The following PSMA5 variants were observed in gnomAD, a reference collection of about 807,000 sequenced individuals.
PSMA5 encodes proteasome 20S subunit alpha 5.
PSMA5 carries 3 observed loss-of-function variants against 34.5 expected under a neutral mutation model. The observed-to-expected ratio is 0.09, with a 90% CI of 0.04 to 0.22. The LOEUF is 0.22. Ranked by LOEUF, PSMA5 falls within the 10% of genes least tolerant of loss-of-function variation. PSMA5 has a pLI of 1.00. For synonymous variants in PSMA5, 88 were observed against 95.8 expected, an observed-to-expected ratio of 0.92 and a Z score of 0.47; for missense variants, 120 against 286.1, an observed-to-expected ratio of 0.42 and a Z score of 4.19.
At chr1:109,405,449 T>TG (rs1210879613) in intron 8 of PSMA5, among the ~76,000 whole-genome samples, 2 of 137,456 alleles carry the variant, frequency 1.5e-5, no homozygotes, top group Non-Finnish European at 3.0e-5. Flanking sequence ...CAGAAAAGGT[T>TG]TTTTTTTTTT....
At chr1:109,408,366 C>T (rs1228667679) in intron 8 of PSMA5, among the ~76,000 whole-genome samples, 2 of 152,190 alleles carry the variant, frequency 1.3e-5, no homozygotes, top group Non-Finnish European at 2.9e-5. Flanking sequence ...CTTTTCCAGA[C>T]ATCACCTCTT....
In PSMA5 at chr1:109,402,017, A is replaced by C. The variant is rs746172507; in HGVS notation, c.722T>G (p.Ile241Ser). 6.2e-7 allele frequency: 1 copy of C among 1,606,796 alleles called. No individual in the cohort carries two copies. The highest frequency in any genetic ancestry group is 8.5e-7 in the Non-Finnish European group (1 of 1,174,296). Residue 241 changes from isoleucine to serine, a missense_variant, in exon 9 of 9, where the codon ATT (isoleucine) becomes AGT (serine). Coordinates refer to ENST00000271308, the MANE Select transcript of PSMA5 (RefSeq NM_002790.4). ...AGTTCTGAGGATCAGGATTCCTTAA[A>C]TGTCCTTGATAACCTCTTCAAGTTC... ...KEELEEVIKD[I>S]
intron 3 of PSMA5, among the ~76,000 whole-genome samples, chr1:109,414,359 G>A (rs768502123): frequency 3.3e-5 from 5 of 152,164 alleles, no homozygotes; most frequent in Admixed American, 6.5e-5. Flanking sequence ...TTCTTCCCTT[G>A]TACTCCTACT....
chr1:109,406,186 A>C (rs973505190), intron 8 of PSMA5, among the ~76,000 whole-genome samples: 1 of 152,262 alleles, frequency 6.6e-6, no homozygotes, highest in African/African-American at 2.4e-5. Context: ...AAATCTGACA[A>C]ATAAGAGTTA....
chr1:109,409,782 T>C, intron 8 of PSMA5, 146 bp downstream of exon 8: 1 of 588,258 alleles, frequency 1.7e-6, no homozygotes, highest in Non-Finnish European at 3.0e-6. Flanking sequence ...AGGCATGGTG[T>C]GTGCACCTGT....
chr1:109,425,414 TG>T (rs1282583071), intron 1 of PSMA5: 1 of 152,104 alleles, frequency 6.6e-6, no homozygotes, highest in Non-Finnish European at 1.5e-5. Flanking sequence ...TATAGGACAG[TG>T]GGGAAATATG....
At chr1:109,403,327 TA>T (rs1653610659) in intron 8 of PSMA5, among the ~76,000 whole-genome samples, 1 of 152,066 alleles carries the variant, frequency 6.6e-6, no homozygotes, top group African/African-American at 2.4e-5. Flanking sequence ...CTTCAATTTT[TA>T]AAATTAAACA....
chr1:109,412,197 C>CA lies in PSMA5; in HGVS notation c.292-14dup. ...TGAACCAGTGGTTCTAGAAGAAGAGCAAAGCATGGTACAACCTTCTAATAA... is the reference window on the plus strand; with the variant it reads ...TGAACCAGTGGTTCTAGAAGAAGAGCAAAAGCATGGTACAACCTTCTAATAA... On this transcript the variant is annotated splice_polypyrimidine_tract_variant and intron_variant, in intron 4 of 8. Coordinates refer to ENST00000271308, the MANE Select transcript of PSMA5 (RefSeq NM_002790.4). 6.3e-7 allele frequency: 1 copy of CA among 1,599,012 alleles called. No individual in the cohort carries two copies. Among genetic ancestry groups the CA allele is most frequent in the Non-Finnish European group, 8.6e-7 (1 of 1,166,270 alleles).
chr1:109,407,408 CCTT>C (rs1353807684), intron 8 of PSMA5, among the ~76,000 whole-genome samples: 2 of 152,176 alleles, frequency 1.3e-5, no homozygotes, highest in African/African-American at 4.8e-5. Flanking sequence ...AAATGTCAGT[CCTT>C]CTTAGACTGA....
rs919609115 is a variant in PSMA5, at chr1:109,400,850, A to T, written c.*1163T>A. 2 of 152,190 alleles carry T rather than the reference A, an allele frequency of 1.3e-5. No individual in the cohort carries two copies. The highest frequency in any genetic ancestry group is 4.8e-5 in the African/African-American group (2 of 41,448). The allele number at this position is 152,190 out of a possible 1,614,324, so 9.4% of individuals were successfully genotyped here. On this transcript the variant is annotated 3_prime_UTR_variant, in exon 9 of 9. Transcript: ENST00000271308. ...TTATGGGGTCCCTGTTAGTGAATTA[A>T]ATCAATTCTGCATCATCCACATATG...
At chr1:109,416,684 G>A (rs1034902315) in intron 2 of PSMA5, among the ~76,000 whole-genome samples, 1 of 152,214 alleles carries the variant, frequency 6.6e-6, no homozygotes, top group African/African-American at 2.4e-5. Context: ...TTTTTCAAAT[G>A]TGTTGAGTTG....
chr1:109,412,804 AATGC>A lies in PSMA5; in HGVS notation c.291+260_291+263del, dbSNP rs2100963673. 9.0e-6 allele frequency: 3 copies of A among 334,084 alleles called. No individual in the cohort carries two copies. The South Asian group carries it at 2.1e-4, about 23-fold the overall frequency. The allele number at this position is 334,084 out of a possible 1,614,324, so 20.7% of individuals were successfully genotyped here. A position where few individuals can be genotyped will look rare whatever the true frequency, so the allele number is the denominator to read the frequency against. ...TCCCACACAAAGTCAATTAGGAAAC[AATGC>A]ATGCTTTATATATAGGCAAAGCCAA... is the stretch of plus-strand genomic sequence containing the variant. On this transcript the variant is annotated intron_variant, in intron 4 of 8. Transcript: ENST00000271308.
intron 8 of PSMA5, among the ~76,000 whole-genome samples, chr1:109,409,309 G>C (rs984657253): frequency 6.6e-6 from 1 of 152,070 alleles, no homozygotes; most frequent in Non-Finnish European, 1.5e-5. Context: ...GGTGCGTGCC[G>C]CCACACCTGG....
intron 1 of PSMA5, among the ~76,000 whole-genome samples, chr1:109,423,214 G>A (rs1278294793): frequency 1.3e-5 from 2 of 152,230 alleles, no homozygotes; most frequent in Admixed American, 6.5e-5. Flanking sequence ...TGAGGCAGGC[G>A]GATCACCTGA....
intron 2 of PSMA5, 38 bp downstream of exon 2, chr1:109,421,822 C>A: frequency 6.8e-7 from 1 of 1,478,866 alleles, no homozygotes; most frequent in South Asian, 1.3e-5. Flanking sequence ...TGTTAGGTAG[C>A]CATGAAATTT....
chr1:109,419,938 A>T (rs1654373452), intron 2 of PSMA5, among the ~76,000 whole-genome samples: 1 of 150,328 alleles, frequency 6.7e-6, no homozygotes, highest in South Asian at 2.1e-4. Context: ...GCGCCACTGC[A>T]TTCTAGCCTG....
At chr1:109,420,884 A>G (rs60149452) in intron 2 of PSMA5, among the ~76,000 whole-genome samples, 1,642 of 152,140 alleles carry the variant, frequency 0.011, 33 homozygotes, top group African/African-American at 0.038. Context: ...CACAACAAAG[A>G]ATTATCCAGT....
Position 109,401,864 on chromosome 1 carries a change from C to A in PSMA5, c.*149G>T, listed in dbSNP as rs1653544142. On this transcript the variant is annotated 3_prime_UTR_variant, in exon 9 of 9. Transcript: ENST00000271308. ...CTATTAACAAATATTTTAAAATTTT[C>A]TTTATTTCAGAACTGCCTTTATGTA... 314 of 376,506 alleles carry A rather than the reference C, an allele frequency of 8.3e-4. No individual in the cohort carries two copies. Among genetic ancestry groups the A allele is most frequent in the East Asian group, 1.7e-3 (32 of 19,072 alleles). The allele number at this position is 376,506 out of a possible 1,614,324, so 23.3% of individuals were successfully genotyped here. A position where few individuals can be genotyped will look rare whatever the true frequency, so the allele number is the denominator to read the frequency against.
At chr1:109,417,971 CACA>C (rs1480195679) in intron 2 of PSMA5, among the ~76,000 whole-genome samples, 1 of 152,102 alleles carries the variant, frequency 6.6e-6, no homozygotes, top group Non-Finnish European at 1.5e-5. Flanking sequence ...TGCCTATAAT[CACA>C]ACACTTTGGG....
Sources: allele counts gnomAD v4.1 joint callset (sites outside exome capture counted in the v4.1 genomes callset), GRCh38; gene constraint gnomAD v4.1.1; transcripts MANE v1.5; gene names NCBI Gene and HGNC (gene_info 2026-07-23, HGNC 2026-07-21).